ZMYM1: variants seen among roughly 807,000 people sequenced by gnomAD.
ZMYM1 encodes the protein zinc finger MYM-type containing 1.
A neutral mutation model predicts 60.0 loss-of-function variants in ZMYM1; 39 were observed. The ratio of observed to expected loss-of-function variants is 0.65; its 90% CI spans 0.50 to 0.85. The LOEUF (loss-of-function observed/expected upper bound fraction) is 0.85. Among genes scored for constraint, ZMYM1 ranks in the 40% least tolerant of loss-of-function variants. ZMYM1 has a pLI of 0.00. For missense variants in ZMYM1, 1,171 were observed against 1,309.5 expected (o/e 0.89, Z 1.63); for synonymous variants, 413 against 454.0 (o/e 0.91, Z 1.15).
chr1:35,071,901 G>A (rs1251411560), intron 1 of ZMYM1, among the ~76,000 whole-genome samples: 1 of 152,216 alleles, frequency 6.6e-6, no homozygotes, highest in Non-Finnish European at 1.5e-5. Context: ...CACTTTGGGA[G>A]GCTAAGGCGG....
chr1:35,096,185 G>A (rs899834937), intron 3 of ZMYM1, among the ~76,000 whole-genome samples: 1 of 152,032 alleles, frequency 6.6e-6, no homozygotes, highest in Non-Finnish European at 1.5e-5. Context: ...GGTGGCGCAT[G>A]CCTGTAATCC....
intron 3 of ZMYM1, 50 bp downstream of exon 3, chr1:35,095,941 CT>C (rs1472461072): frequency 2.3e-6 from 3 of 1,323,596 alleles, no homozygotes; most frequent in Non-Finnish European, 3.2e-6. Context: ...AATACGACAG[CT>C]GATTCATTCT....
chr1:35,109,089 G>A (rs1229180398), intron 6 of ZMYM1, among the ~76,000 whole-genome samples: 1 of 151,672 alleles, frequency 6.6e-6, no homozygotes, highest in African/African-American at 2.4e-5. Flanking sequence ...GCATGATCTC[G>A]GCTCACTGCA....
intron 7 of ZMYM1, among the ~76,000 whole-genome samples, chr1:35,111,050 T>C (rs1247286716): frequency 6.6e-6 from 1 of 152,184 alleles, no homozygotes; most frequent in African/African-American, 2.4e-5. Context: ...ACATGGTACA[T>C]AGGAGGCACT....
At chr1:35,068,649 A>ATAT (rs1553136326) in intron 1 of ZMYM1, among the ~76,000 whole-genome samples, 12 of 145,232 alleles carry the variant, frequency 8.3e-5, no homozygotes, top group South Asian at 2.1e-4. Context: ...CAAAAAAAAA[A>ATAT]ATATATATAT....
chr1:35,091,906 A>G (rs1643031687), intron 1 of ZMYM1, among the ~76,000 whole-genome samples: 1 of 151,228 alleles, frequency 6.6e-6, no homozygotes, highest in African/African-American at 2.4e-5. Flanking sequence ...AAAAAAAAAA[A>G]AAAGAGAAAA....
At chr1:35,082,361 T>C (rs968656853) in intron 1 of ZMYM1, among the ~76,000 whole-genome samples, 7 of 151,034 alleles carry the variant, frequency 4.6e-5, no homozygotes, top group African/African-American at 1.7e-4. Flanking sequence ...AATGGAGTCA[T>C]GCGCTGTCAC....
intron 1 of ZMYM1, among the ~76,000 whole-genome samples, chr1:35,088,450 ATATATGTGTGTGTGTG>A (rs1171604626): frequency 1.9e-5 from 2 of 104,028 alleles, no homozygotes; most frequent in African/African-American, 8.8e-5. Context: ...ATATATATAT[ATATATGTGTGTGTGTG>A]TGTGTGTGTG....
At chr1:35,106,628 AAAAG>A (rs1172560049) in intron 6 of ZMYM1, among the ~76,000 whole-genome samples, 8 of 151,806 alleles carry the variant, frequency 5.3e-5, no homozygotes, top group African/African-American at 1.4e-4. Flanking sequence ...AAAAAAAAAA[AAAAG>A]CAGTTGAAGA....
At chr1:35,070,305 C>T (rs1354246352) in intron 1 of ZMYM1, among the ~76,000 whole-genome samples, 2 of 152,056 alleles carry the variant, frequency 1.3e-5, no homozygotes, top group Non-Finnish European at 2.9e-5. Context: ...TCTTTCACCA[C>T]CTTAATTAAG....
intron 4 of ZMYM1, 26 bp downstream of exon 4, chr1:35,097,592 T>C (rs1232921693): frequency 5.0e-6 from 8 of 1,611,296 alleles, no homozygotes; most frequent in Non-Finnish European, 6.8e-6. Flanking sequence ...TTATGCCCCC[T>C]TTTATTTCCC....
chr1:35,078,531 ATTTT>A (rs1642215076), upstream of ZMYM1, among the ~76,000 whole-genome samples: 1 of 84,422 alleles, frequency 1.2e-5, no homozygotes, highest in African/African-American at 4.4e-5. Flanking sequence ...GTTTGGGGTT[ATTTT>A]AATTTTTTTT....
At chr1:35,102,048 A>G (rs1200924994) in intron 4 of ZMYM1, among the ~76,000 whole-genome samples, 12 of 152,216 alleles carry the variant, frequency 7.9e-5, no homozygotes, top group Non-Finnish European at 1.8e-4. Flanking sequence ...AGTTTTGCAA[A>G]TCACTTTACA....
At chr1:35,073,467 G>T (rs1460094256) in intron 1 of ZMYM1, among the ~76,000 whole-genome samples, 3 of 151,562 alleles carry the variant, frequency 2.0e-5, no homozygotes, top group Non-Finnish European at 2.9e-5. Context: ...GGAGGCTGAG[G>T]CAAGCAGATT....
chr1:35,079,477 T>C lies in ZMYM1; in HGVS notation c.-75+35T>C, dbSNP rs529216712. 3.3e-5 allele frequency: 5 copies of C among 152,356 alleles called. No homozygotes were observed. The East Asian group carries it at 9.7e-4, about 29-fold the overall frequency. 9.4% of individuals were successfully genotyped at this position (152,356 alleles called of 1,614,324 possible). A position where few individuals can be genotyped will look rare whatever the true frequency, so the allele number is the denominator to read the frequency against. On this transcript the variant is annotated intron_variant, in intron 1 of 9. Transcript: ENST00000359858. ...CTCATGCGGCTCTGGTTTCGGTCTTTACTCCTGCGCCTTACTCGAAAGGGG... is the reference window on the plus strand; with the variant it reads ...CTCATGCGGCTCTGGTTTCGGTCTTCACTCCTGCGCCTTACTCGAAAGGGG...
At chr1:35,073,377 A>AAGGAAG in intron 1 of ZMYM1, among the ~76,000 whole-genome samples, 1 of 82,088 alleles carries the variant, frequency 1.2e-5, no homozygotes, top group South Asian at 4.4e-4. Context: ...AAGGAAGGAA[A>AAGGAAG]GAAAGGAAAG....
At chr1:35,118,761 ATTC>A (rs1638566833), downstream of ZMYM1, among the ~76,000 whole-genome samples, 1 of 152,186 alleles carries the variant, frequency 6.6e-6, no homozygotes, top group Admixed American at 6.5e-5. Flanking sequence ...TTTGTTTTCT[ATTC>A]TTGTAGTCTA....
chr1:35,066,849 C>CA lies in ZMYM1; in HGVS notation c.-301+6933dup, dbSNP rs200103638. Among the ~76,000 whole-genome samples the CA allele has an allele frequency of 7.7e-3, 1,166 of 150,458 alleles. 11 individuals carry two copies. The highest frequency in any genetic ancestry group is 0.028 in the African/African-American group (1,129 of 41,046). On this transcript the variant is annotated intron_variant, in intron 1 of 10. Transcript: ENST00000417119. ...TGGGCAACATAGCAAGACCCCATCT[C>CA]AAAAAAAAATCTCAGCAGAATTTTT... is the stretch of plus-strand genomic sequence containing the variant.
At chr1:35,108,573 G>A (rs1570021636) in intron 6 of ZMYM1, among the ~76,000 whole-genome samples, 1 of 152,018 alleles carries the variant, frequency 6.6e-6, no homozygotes, top group African/African-American at 2.4e-5. Flanking sequence ...GGCTGGTCTT[G>A]AACTCCTGAC....
Sources: gnomAD v4.1 joint callset for allele counts (sites outside exome capture counted in the v4.1 genomes callset) on GRCh38, gnomAD v4.1.1 for gene constraint, MANE v1.5 for transcripts, NCBI Gene and HGNC (gene_info 2026-07-23, HGNC 2026-07-21) for gene names.